The following SEZ6L variants were observed in gnomAD, a reference collection of about 807,000 sequenced individuals.
SEZ6L encodes the protein seizure related 6 homolog like, also known as seizure 6-like protein.
A neutral mutation model predicts 106.2 loss-of-function variants in SEZ6L; 37 were observed. The ratio of observed to expected loss-of-function variants is 0.35; its 90% CI spans 0.27 to 0.46. The LOEUF (loss-of-function observed/expected upper bound fraction) is 0.46, where lower values mean the gene tolerates loss of function less well. SEZ6L is among the 20% of genes least tolerant of loss of function. SEZ6L has a pLI of 1.00. For synonymous variants in SEZ6L, 541 were observed against 570.4 expected (o/e 0.95, Z 0.73); for missense variants, 1,172 against 1,332.8 (o/e 0.88, Z 1.88).
At chr22:26,320,994 C>T (rs759797155) in intron 9 of SEZ6L, among the ~76,000 whole-genome samples, 2 of 152,130 alleles carry the variant, frequency 1.3e-5, no homozygotes, top group Non-Finnish European at 2.9e-5. Flanking sequence ...TATGCTAAGA[C>T]CTGAAAGACA....
chr22:26,285,301 G>A (rs532593538), intron 1 of SEZ6L, among the ~76,000 whole-genome samples: 4 of 152,212 alleles, frequency 2.6e-5, no homozygotes, highest in East Asian at 1.9e-4. Context: ...AAATGTGCCC[G>A]AGACGGAAAC....
intron 5 of SEZ6L, among the ~76,000 whole-genome samples, chr22:26,301,256 A>G (rs1212767137): frequency 1.3e-5 from 2 of 152,236 alleles, no homozygotes; most frequent in Non-Finnish European, 2.9e-5. Flanking sequence ...AGAATCTGAG[A>G]CTTCGAGGAC....
chr22:26,294,466 G>A, intron 3 of SEZ6L, 41 bp downstream of exon 3: 1 of 1,596,514 alleles, frequency 6.3e-7, no homozygotes, highest in Non-Finnish European at 8.6e-7. Context: ...GCCTCGTCTA[G>A]CAGGAAGTCT....
rs2084473012 is a variant in SEZ6L at position 26,383,496 on chromosome 22, A to G, written c.*3201A>G. ...AAATTTTCATTTCCATTTTATCGCC[A>G]AACAAAATAAAAAGCAAAACAAACT... On this transcript the variant is annotated 3_prime_UTR_variant, in exon 17 of 17. Transcript: ENST00000248933. 6.6e-6 allele frequency: 1 copy of G among 152,198 alleles called. No individual in the cohort carries two copies. The highest frequency in any genetic ancestry group is 1.5e-5 in the Non-Finnish European group (1 of 68,028). The allele number at this position is 152,198 out of a possible 1,614,324, so 9.4% of individuals were successfully genotyped here.
At chr22:26,278,963 AGAG>A (rs2080655697) in intron 1 of SEZ6L, among the ~76,000 whole-genome samples, 1 of 133,862 alleles carries the variant, frequency 7.5e-6, no homozygotes, top group Non-Finnish European at 1.6e-5. Context: ...AAGAAAGAGG[AGAG>A]AGGAAGGGAG....
rs1426994875 is a variant in SEZ6L, at chr22:26,292,406, A to T, written c.95A>T (p.Asp32Val). ...LGSPAAALER[D>V]ALPEGDASPL... Reference sequence around the variant, plus strand: ...CTGGTGTCTTTTCTCCTCTTCCAAGATGCTCTTCCCGAGGGAGATGCTAGC... The same window carrying T: ...CTGGTGTCTTTTCTCCTCTTCCAAGTTGCTCTTCCCGAGGGAGATGCTAGC... The change falls in exon 2 of 17, where the codon GAT (aspartate) becomes GTT (valine). Residue 32 changes from aspartate to valine, a missense_variant and splice_region_variant. Coordinates refer to ENST00000248933, the MANE Select transcript of SEZ6L (RefSeq NM_021115.5). The T allele has an allele frequency of 1.2e-6, 2 of 1,609,356 alleles. No homozygotes were observed. Among genetic ancestry groups the T allele is most frequent in the East Asian group, 2.2e-5 (1 of 44,826 alleles).
chr22:26,382,258 T>A lies in SEZ6L; in HGVS notation c.*1963T>A. On this transcript the variant is annotated 3_prime_UTR_variant, in exon 17 of 17. Transcript: ENST00000248933. Reference sequence around the variant, plus strand: ...GAGAAAGATAACAACACAAATAATGTAACCTTTCCTTAAAAGGCAGAACTC... The same window carrying A: ...GAGAAAGATAACAACACAAATAATGAAACCTTTCCTTAAAAGGCAGAACTC... The A allele has an allele frequency of 4.6e-6, 1 of 216,796 alleles. No individual in the cohort carries two copies. The highest frequency in any genetic ancestry group is 9.6e-6 in the Non-Finnish European group (1 of 103,888). The allele number at this position is 216,796 out of a possible 1,614,324, so 13.4% of individuals were successfully genotyped here.
intron 10 of SEZ6L, among the ~76,000 whole-genome samples, chr22:26,343,814 G>A (rs2082922081): frequency 6.6e-6 from 1 of 152,152 alleles, no homozygotes; most frequent in South Asian, 2.1e-4. Flanking sequence ...TCCTGTTAAA[G>A]AAACACACAG....
chr22:26,326,058 C>T (rs1288790251), intron 9 of SEZ6L, among the ~76,000 whole-genome samples: 1 of 152,164 alleles, frequency 6.6e-6, no homozygotes, highest in African/African-American at 2.4e-5. Flanking sequence ...GCTTCCTCTC[C>T]CCCACGATTT....
At chr22:26,173,076 A>G (rs1056111911) in intron 1 of SEZ6L, among the ~76,000 whole-genome samples, 23 of 152,172 alleles carry the variant, frequency 1.5e-4, no homozygotes, top group African/African-American at 4.8e-4. Flanking sequence ...GAACTATTTT[A>G]TCTGAACTCC....
intron 12 of SEZ6L, among the ~76,000 whole-genome samples, chr22:26,361,646 T>C (rs1433689869): frequency 6.6e-6 from 1 of 152,140 alleles, no homozygotes; most frequent in Admixed American, 6.5e-5. Context: ...GCCCATCTCA[T>C]GTGCGTGAGC....
rs375034858 is a variant in SEZ6L, at chr22:26,234,362, T to G, written c.95-58044T>G. ...ATGGGGCCAGCAGAGAGAGGGGAACTTAAGCCAAAGAAATGTTCCATCTGA... is the reference window on the plus strand; with the variant it reads ...ATGGGGCCAGCAGAGAGAGGGGAACGTAAGCCAAAGAAATGTTCCATCTGA... On this transcript the variant is annotated intron_variant, in intron 1 of 16. Transcript: ENST00000248933. Among the ~76,000 whole-genome samples, 103 of 152,342 alleles carry G rather than the reference T, an allele frequency of 6.8e-4. 1 individual carries two copies. The highest frequency in any genetic ancestry group is 2.4e-3 in the African/African-American group (98 of 41,578).
intron 12 of SEZ6L, among the ~76,000 whole-genome samples, chr22:26,362,615 C>T (rs756154203): frequency 2.6e-5 from 4 of 152,144 alleles, no homozygotes; most frequent in Admixed American, 6.5e-5. Flanking sequence ...ACCTCCTCAC[C>T]GCATTGCTGG....
intron 1 of SEZ6L, among the ~76,000 whole-genome samples, chr22:26,217,841 C>T (rs1029868037): frequency 5.3e-5 from 8 of 152,238 alleles, no homozygotes; most frequent in Non-Finnish European, 7.3e-5. Context: ...CCACCTGCTG[C>T]GATGGAAGGC....
At chr22:26,267,685 C>A (rs77964664) in intron 1 of SEZ6L, among the ~76,000 whole-genome samples, 1,999 of 152,284 alleles carry the variant, frequency 0.013, 57 homozygotes, top group African/African-American at 0.046. Context: ...AGAAAAGGCA[C>A]TTCGAACTTA....
intron 9 of SEZ6L, among the ~76,000 whole-genome samples, chr22:26,334,682 C>T (rs1056102710): frequency 5.9e-5 from 9 of 152,108 alleles, no homozygotes; most frequent in Admixed American, 3.3e-4. Context: ...GGATAGCCTG[C>T]GACAGTGACC....
intron 4 of SEZ6L, 33 bp downstream of exon 4, chr22:26,297,113 C>G: frequency 6.6e-7 from 1 of 1,513,046 alleles, no homozygotes; most frequent in South Asian, 1.3e-5. Context: ...GAAACATAGG[C>G]GTTTGCCTCA....
intron 1 of SEZ6L, among the ~76,000 whole-genome samples, chr22:26,209,421 C>G (rs953003048): frequency 2.6e-5 from 4 of 151,478 alleles, no homozygotes; most frequent in Non-Finnish European, 5.9e-5. Flanking sequence ...TAGTTGGGCT[C>G]TAGCAAATGG....
At chr22:26,220,532 GC>G (rs2078433867) in intron 1 of SEZ6L, among the ~76,000 whole-genome samples, 1 of 152,158 alleles carries the variant, frequency 6.6e-6, no homozygotes, top group Non-Finnish European at 1.5e-5. Flanking sequence ...TGTGTTAGTT[GC>G]CTGTCTGTCA....
Sources: gnomAD v4.1 joint callset for allele counts (sites outside exome capture counted in the v4.1 genomes callset) on GRCh38, gnomAD v4.1.1 for gene constraint, MANE v1.5 for transcripts, NCBI Gene and HGNC (gene_info 2026-07-23, HGNC 2026-07-21) for gene names.